The following TRIP11 variants were observed in gnomAD, a reference collection of about 807,000 sequenced individuals.
The protein encoded by TRIP11 is thyroid receptor-interacting protein 11.
Under a neutral mutation model 223.1 loss-of-function variants are expected in TRIP11, and 148 were observed. The observed-to-expected ratio is 0.66, with a 90% confidence interval of 0.58 to 0.76. The LOEUF is 0.76. TRIP11 is among the 30% of genes least tolerant of loss of function. The pLI is 0.00. For synonymous variants in TRIP11, 762 were observed against 772.6 expected, an observed-to-expected ratio of 0.99 and a Z score of 0.23; for missense variants, 2,043 against 2,222.0, an observed-to-expected ratio of 0.92 and a Z score of 1.62.
At chr14:92,028,677 G>C (rs1191533009) in intron 2 of TRIP11, among the ~76,000 whole-genome samples, 1 of 152,140 alleles carries the variant, frequency 6.6e-6, no homozygotes, top group African/African-American at 2.4e-5. Context: ...TTGAACAGAG[G>C]GGGCTGGTCT....
intron 12 of TRIP11, among the ~76,000 whole-genome samples, chr14:91,999,713 T>C (rs2056796918): frequency 6.6e-6 from 1 of 152,204 alleles, no homozygotes; most frequent in Non-Finnish European, 1.5e-5. Context: ...AGGCCACTTT[T>C]TCAGCAAATC....
intron 1 of TRIP11, among the ~76,000 whole-genome samples, chr14:92,034,448 TG>T (rs1443043708): frequency 1.0e-4 from 15 of 146,674 alleles, no homozygotes; most frequent in African/African-American, 3.9e-4. Context: ...GAAAGGGAGC[TG>T]GAACTTAAAG....
At chr14:92,021,083 A>G (rs925101004) in intron 4 of TRIP11, among the ~76,000 whole-genome samples, 25 of 148,686 alleles carry the variant, frequency 1.7e-4, no homozygotes, top group Middle Eastern at 7.4e-3. Flanking sequence ...AAAAAAAAAA[A>G]AAAGAAAGAA....
Position 92,014,591 on chromosome 14 carries a change from A to G in TRIP11, c.824-14T>C. The G allele has an allele frequency of 6.3e-7, 1 of 1,599,472 alleles. No homozygotes were observed. Among genetic ancestry groups the G allele is most frequent in the Non-Finnish European group, 8.5e-7 (1 of 1,176,458 alleles). On this transcript the variant is annotated splice_polypyrimidine_tract_variant and intron_variant, in intron 6 of 20. Coordinates refer to ENST00000267622, the MANE Select transcript of TRIP11 (RefSeq NM_004239.4). ...CTCCAGAGCCACCTAGAACATAAAC[A>G]CAAAACAATGACATCAAATGTCAAG...
chr14:91,966,703 A>G lies in TRIP11; in HGVS notation c.*2970T>C. 1 of 213,496 alleles carries G rather than the reference A, an allele frequency of 4.7e-6. No homozygotes were observed. Among genetic ancestry groups the G allele is most frequent in the Non-Finnish European group, 9.5e-6 (1 of 105,538 alleles). The allele number at this position is 213,496 out of a possible 1,614,324, so 13.2% of individuals were successfully genotyped here. ...TTTAGTTTTGTTTCATTTTTTAAAA[A>G]TCAAAAATGACAGGAATGAAAATTC... On this transcript the variant is annotated 3_prime_UTR_variant, in exon 21 of 21. Coordinates refer to ENST00000267622, the MANE Select transcript of TRIP11 (RefSeq NM_004239.4).
intron 9 of TRIP11, among the ~76,000 whole-genome samples, chr14:92,009,906 G>A (rs1000048864): frequency 2.0e-5 from 3 of 152,134 alleles, no homozygotes; most frequent in Admixed American, 1.3e-4. Flanking sequence ...TGGGAAAGAG[G>A]CCAAGCCACA....
chr14:92,002,204 C>CAGTAT (rs199679146), intron 11 of TRIP11, among the ~76,000 whole-genome samples: 1,705 of 152,204 alleles, frequency 0.011, 13 homozygotes, highest in Non-Finnish European at 0.017. Flanking sequence ...TCATATAGTA[C>CAGTAT]AGTATAGTAT....
intron 1 of TRIP11, among the ~76,000 whole-genome samples, chr14:92,035,197 G>C (rs1261074253): frequency 6.6e-6 from 1 of 151,526 alleles, no homozygotes; most frequent in Non-Finnish European, 1.5e-5. Flanking sequence ...CCTATAATCT[G>C]TAATCCCACC....
chr14:92,024,148 C>T (rs1445292734), intron 3 of TRIP11, among the ~76,000 whole-genome samples: 2 of 152,060 alleles, frequency 1.3e-5, no homozygotes, highest in Non-Finnish European at 2.9e-5. Context: ...GAGGCCAAGG[C>T]GGGCAGATCA....
In TRIP11 at chr14:92,006,303, T is replaced by G; in HGVS notation, c.1673A>C (p.Asp558Ala). The change falls in exon 11 of 21, where the codon GAT becomes GCT. Residue 558 changes from aspartate to alanine, a missense_variant. By Grantham distance (126) the Asp-to-Ala change is moderately radical. Coordinates refer to ENST00000267622, the MANE Select transcript of TRIP11 (RefSeq NM_004239.4). The part of the protein sequence containing the change: ...DDKMDITKEL[D>A]VQKEKLIQSE... ...TTGAATTAGCTTTTCTTTCTGTACA[T>G]CTAACTCTTTAGTAATGTCCATTTT... is the stretch of plus-strand genomic sequence containing the variant. 1 of 1,610,852 alleles carries G rather than the reference T, an allele frequency of 6.2e-7. No homozygotes were observed. The highest frequency in any genetic ancestry group is 8.5e-7 in the Non-Finnish European group (1 of 1,178,820).
chr14:92,039,620 G>C lies in TRIP11; in HGVS notation c.66C>G (p.Ser22Arg). Residue 22 changes from serine to arginine, a missense_variant, in exon 1 of 21, where the codon AGC (serine) becomes AGG (arginine). By Grantham distance (110) the Ser-to-Arg change is moderately radical (BLOSUM62 -1). Coordinates refer to ENST00000267622, the MANE Select transcript of TRIP11 (RefSeq NM_004239.4). ...LGQSLGQVGG[S>R]LASLTGQISN... Reference sequence around the variant, plus strand: ...ATATCTGGCCAGTGAGGGAAGCCAGGCTGCCCCCGACTTGACCCAGAGACT... The same window carrying C: ...ATATCTGGCCAGTGAGGGAAGCCAGCCTGCCCCCGACTTGACCCAGAGACT... 6.2e-7 allele frequency: 1 copy of C among 1,612,946 alleles called. No individual in the cohort carries two copies.
In TRIP11 at chr14:92,040,055, G is replaced by A; in HGVS notation, c.-370C>T. 2.4e-6 allele frequency: 1 copy of A among 414,966 alleles called. No individual in the cohort carries two copies. Among genetic ancestry groups the A allele is most frequent in the Non-Finnish European group, 4.5e-6 (1 of 220,876 alleles). The allele number at this position is 414,966 out of a possible 1,614,324, so 25.7% of individuals were successfully genotyped here. ...TGACACTCGCTCGGAAAGCGGCAGC[G>A]GATCATAGAAAAGCGCCGCGGTGGC... On this transcript the variant is annotated 5_prime_UTR_variant, in exon 1 of 21. Coordinates refer to ENST00000267622, the MANE Select transcript of TRIP11 (RefSeq NM_004239.4).
intron 15 of TRIP11, among the ~76,000 whole-genome samples, chr14:91,989,318 G>A (rs61226043): frequency 1.3e-5 from 2 of 152,016 alleles, no homozygotes; most frequent in Admixed American, 6.6e-5. Context: ...GATGTAAGGT[G>A]AGGGTCTGTT....
At chr14:91,991,618 C>G (rs1206831597) in intron 15 of TRIP11, among the ~76,000 whole-genome samples, 1 of 152,174 alleles carries the variant, frequency 6.6e-6, no homozygotes, top group Non-Finnish European at 1.5e-5. Flanking sequence ...AGATATACAT[C>G]TAAAAAAACT....
intron 2 of TRIP11, among the ~76,000 whole-genome samples, chr14:92,029,969 G>C (rs1878133727): frequency 6.6e-6 from 1 of 151,912 alleles, no homozygotes; most frequent in African/African-American, 2.4e-5. Flanking sequence ...AGGCCGAGGC[G>C]GGCGGATCAC....
intron 11 of TRIP11, among the ~76,000 whole-genome samples, chr14:92,002,231 T>C (rs1454758491): frequency 6.6e-6 from 1 of 152,134 alleles, no homozygotes; most frequent in African/African-American, 2.4e-5. Flanking sequence ...TAACAGGAAA[T>C]CCTCAATAAT....
intron 10 of TRIP11, among the ~76,000 whole-genome samples, chr14:92,007,367 C>T (rs772919473): frequency 6.6e-6 from 1 of 152,182 alleles, no homozygotes; most frequent in Non-Finnish European, 1.5e-5. Context: ...AGTCAACGAA[C>T]TATAGCCATT....
Position 92,014,487 on chromosome 14 carries a change from G to A in TRIP11, c.914C>T (p.Thr305Ile), listed in dbSNP as rs755194995. Residue 305 changes from threonine (T) to isoleucine (I), a missense_variant, in exon 7 of 21, where the codon ACC becomes ATC. Physicochemically the swap from Thr to Ile is moderately conservative, Grantham distance 89 (BLOSUM62 -1). Transcript: ENST00000267622. ...QVLQIEKVES[T>I]KKMEQLEDKI... ...ATCCTCAAGTTGTTCCATTTTTTTG[G>A]TAGACTCCACTTTTTCTATTTGTAG... The A allele has an allele frequency of 4.4e-6, 7 of 1,593,568 alleles. No individual in the cohort carries two copies. The highest frequency in any genetic ancestry group is 6.0e-6 in the Non-Finnish European group (7 of 1,174,322).
chr14:91,974,363 GCATGATCAAGTA>G (rs898149985), intron 19 of TRIP11, among the ~76,000 whole-genome samples: 63 of 152,120 alleles, frequency 4.1e-4, no homozygotes, highest in African/African-American at 1.4e-3. Flanking sequence ...GCCTATGGCA[GCATGATCAAGTA>G]CAAAGGAAAA....
Sources: allele counts gnomAD v4.1 joint callset (sites outside exome capture counted in the v4.1 genomes callset), GRCh38; gene constraint gnomAD v4.1.1; transcripts MANE v1.5; gene names NCBI Gene and HGNC (gene_info 2026-07-23, HGNC 2026-07-21).